The following HEMK2 variants were observed in gnomAD, a reference collection of about 807,000 sequenced individuals.
HEMK2 encodes HemK methyltransferase 2, ETF1 glutamine and histone H4 lysine.
the HEMK2 span, among the ~76,000 whole-genome samples, chr21:28,636,314 C>A: frequency 2.6e-5 from 4 of 152,112 alleles, no homozygotes; most frequent in Non-Finnish European, 5.9e-5. Context: ...CACATGGCCA[C>A]CCCATGTTCT....
chr21:28,618,845 T>C, the HEMK2 span, among the ~76,000 whole-genome samples: 9 of 152,306 alleles, frequency 5.9e-5, no homozygotes, highest in South Asian at 1.9e-3. Context: ...TTATATGTAA[T>C]AATAAACTAA....
chr21:28,675,263 T>C, the HEMK2 span, among the ~76,000 whole-genome samples: 2 of 152,158 alleles, frequency 1.3e-5, no homozygotes, highest in Admixed American at 1.3e-4. Context: ...AAACAATACA[T>C]TTATTCAAAC....
chr21:28,811,871 A>G, the HEMK2 span, among the ~76,000 whole-genome samples: 8 of 152,200 alleles, frequency 5.3e-5, no homozygotes, highest in Non-Finnish European at 8.8e-5. Flanking sequence ...TCCTGTGAAT[A>G]TATTGCTTAG....
the HEMK2 span, among the ~76,000 whole-genome samples, chr21:28,686,514 T>G: frequency 6.6e-6 from 1 of 152,122 alleles, no homozygotes; most frequent in Non-Finnish European, 1.5e-5. Context: ...ATTACAGGAG[T>G]GAGCCACCAC....
the HEMK2 span, among the ~76,000 whole-genome samples, chr21:28,819,291 C>CAA: frequency 8.3e-5 from 9 of 108,520 alleles, no homozygotes; most frequent in Admixed American, 1.9e-4. Flanking sequence ...TTTATTAGCT[C>CAA]AAAAAAAAAA....
At chr21:28,692,256 A>T in the HEMK2 span, among the ~76,000 whole-genome samples, 1 of 152,192 alleles carries the variant, frequency 6.6e-6, no homozygotes, top group Non-Finnish European at 1.5e-5. Context: ...TACTAGTCTC[A>T]GCAAGAGACT....
the HEMK2 span, among the ~76,000 whole-genome samples, chr21:28,616,607 T>G: frequency 6.6e-6 from 1 of 152,310 alleles, no homozygotes; most frequent in South Asian, 2.1e-4. Context: ...GCCTACGCCA[T>G]TGTAGGAAAG....
chr21:28,831,638 A>AAG, the HEMK2 span, among the ~76,000 whole-genome samples: 3 of 33,142 alleles, frequency 9.1e-5, no homozygotes, highest in African/African-American at 3.2e-4. Flanking sequence ...AAGGAAGGAA[A>AAG]GAAAGAAAGA....
chr21:28,819,898 C>T, the HEMK2 span, among the ~76,000 whole-genome samples: 1 of 152,148 alleles, frequency 6.6e-6, no homozygotes, highest in Non-Finnish European at 1.5e-5. Flanking sequence ...AGGTCCTTTA[C>T]TTAGTACTTT....
At chr21:28,803,666 T>A in the HEMK2 span, among the ~76,000 whole-genome samples, 1 of 152,234 alleles carries the variant, frequency 6.6e-6, no homozygotes, top group African/African-American at 2.4e-5. Context: ...AAGCTATTAA[T>A]AGTAGCTGCT....
At chr21:28,716,570 C>A in the HEMK2 span, among the ~76,000 whole-genome samples, 14 of 152,288 alleles carry the variant, frequency 9.2e-5, no homozygotes, top group Non-Finnish European at 2.1e-4. Flanking sequence ...CAAATCATAT[C>A]ATGAGCAAAC....
chr21:28,614,860 C>T, the HEMK2 span, among the ~76,000 whole-genome samples: 2 of 152,122 alleles, frequency 1.3e-5, no homozygotes, highest in Non-Finnish European at 2.9e-5. Context: ...TTTTGAGTTT[C>T]AAAACCCTTC....
At chr21:28,682,060 T>C in the HEMK2 span, among the ~76,000 whole-genome samples, 18 of 152,230 alleles carry the variant, frequency 1.2e-4, no homozygotes, top group African/African-American at 4.1e-4. Flanking sequence ...TAGGATCTAA[T>C]TAAACTAAAG....
At chr21:28,782,773 C>T in the HEMK2 span, among the ~76,000 whole-genome samples, 1 of 152,140 alleles carries the variant, frequency 6.6e-6, no homozygotes, top group Admixed American at 6.5e-5. Flanking sequence ...GATGGTTACA[C>T]AACTCTGTGA....
At chr21:28,673,969 G>A in the HEMK2 span, among the ~76,000 whole-genome samples, 1 of 152,196 alleles carries the variant, frequency 6.6e-6, no homozygotes. Flanking sequence ...AAATGAGGCT[G>A]AAACCTACTG....
chr21:28,602,469 G>A, the HEMK2 span, among the ~76,000 whole-genome samples: 1 of 152,274 alleles, frequency 6.6e-6, no homozygotes, highest in Non-Finnish European at 1.5e-5. Flanking sequence ...TCCTGGAAGT[G>A]AACAATGGTT....
chr21:28,822,490 G>T, the HEMK2 span, among the ~76,000 whole-genome samples: 1 of 151,786 alleles, frequency 6.6e-6, no homozygotes, highest in Non-Finnish European at 1.5e-5. Context: ...AAAAATTATA[G>T]AACATGTGTG....
the HEMK2 span, among the ~76,000 whole-genome samples, chr21:28,805,768 G>A: frequency 6.6e-6 from 1 of 152,050 alleles, no homozygotes; most frequent in Non-Finnish European, 1.5e-5. Context: ...AGATGCTTCT[G>A]TACGACTTTA....
At chr21:28,796,081 G>C in the HEMK2 span, among the ~76,000 whole-genome samples, 1 of 152,108 alleles carries the variant, frequency 6.6e-6, no homozygotes, top group Admixed American at 6.6e-5. Flanking sequence ...AGATTTTCCT[G>C]CTCTTAAGAG....
Sources: gnomAD v4.1 joint callset for allele counts (sites outside exome capture counted in the v4.1 genomes callset) on GRCh38, gnomAD v4.1.1 for gene constraint, MANE v1.5 for transcripts, NCBI Gene and HGNC (gene_info 2026-07-23, HGNC 2026-07-21) for gene names.